The following MAP9 variants were observed in gnomAD, a reference collection of about 807,000 sequenced individuals.
The protein encoded by MAP9 is microtubule associated protein 9, also known as microtubule-associated protein 9.
A neutral mutation model predicts 75.2 loss-of-function variants in MAP9; 80 were observed. That is an observed-to-expected ratio of 1.06 (90% CI 0.89 to 1.28). The LOEUF (loss-of-function observed/expected upper bound fraction) is 1.28, where lower values mean the gene tolerates loss of function less well. Ranked by LOEUF, MAP9 falls within the 50% of genes most tolerant of loss-of-function variation. The probability of loss-of-function intolerance (pLI) is 0.00; values close to 1 mark genes in which losing one functional copy is unlikely to be tolerated. For missense variants in MAP9, 753 were observed against 719.9 expected, an observed-to-expected ratio of 1.05 and a Z score of -0.53; for synonymous variants, 235 against 237.3, an observed-to-expected ratio of 0.99 and a Z score of 0.09.
chr4:155,364,911 TAA>T (rs1732256915), intron 5 of MAP9, among the ~76,000 whole-genome samples: 1 of 151,404 alleles, frequency 6.6e-6, no homozygotes, highest in African/African-American at 2.4e-5. Flanking sequence ...AATAAAAAAC[TAA>T]AAGATTCATG....
chr4:155,374,340 AAAACAAAAACAAAC>A (rs1487453012), intron 3 of MAP9, among the ~76,000 whole-genome samples: 2 of 103,512 alleles, frequency 1.9e-5, no homozygotes, highest in East Asian at 9.1e-4. Flanking sequence ...CTCCATCTCA[AAAACAAAAACAAAC>A]AAACAAAAAC....
chr4:155,360,186 A>G lies in MAP9; in HGVS notation c.1032T>C (p.Ser344=), dbSNP rs762260584. The G allele has an allele frequency of 6.2e-7, 1 of 1,611,556 alleles. No homozygotes were observed. The highest frequency in any genetic ancestry group is 1.1e-5 in the South Asian group (1 of 90,964). The change falls in exon 7 of 14, where the codon AGT becomes AGC. Residue 344 remains serine (S), a synonymous_variant. Transcript: ENST00000311277. The stretch of plus-strand genomic sequence containing the variant: ...CAAATACCTTTGAAGATGCTGTTGC[A>G]CTGGTAGATATTAAGATACTCTGAG... The part of the protein sequence containing the change: ...SKSQSILIST[S]ATASSKKTIE...
Position 155,343,293 on chromosome 4 carries a change from G to C in MAP9, c.*4490C>G, listed in dbSNP as rs1345594972. 2 of 151,338 alleles carry C rather than the reference G, an allele frequency of 1.3e-5. No individual in the cohort carries two copies. 9.4% of individuals were successfully genotyped at this position (151,338 alleles called of 1,614,324 possible). On this transcript the variant is annotated 3_prime_UTR_variant, in exon 14 of 14. Coordinates refer to ENST00000311277, the MANE Select transcript of MAP9 (RefSeq NM_001039580.2). ...AGTGGGAGAGAGAAAGAGGAGGGAGGAACTATCTCTTCCTTTTTTCTCAGC... is the reference window on the plus strand; with the variant it reads ...AGTGGGAGAGAGAAAGAGGAGGGAGCAACTATCTCTTCCTTTTTTCTCAGC...
intron 5 of MAP9, chr4:155,367,144 G>C (rs932917815): frequency 4.6e-5 from 7 of 152,070 alleles, no homozygotes; most frequent in Admixed American, 4.6e-4. Context: ...CTCAAAATAC[G>C]ACTTTCTTAG....
In MAP9 at chr4:155,343,169, T is replaced by C; in HGVS notation, c.*4614A>G. On this transcript the variant is annotated 3_prime_UTR_variant, in exon 14 of 14. Transcript: ENST00000311277. ...AAAAATATGTGTATGTTTGAAAATA[T>C]GCACATTAGTATTTGTATTTTATAT... 6.8e-6 allele frequency: 1 copy of C among 146,948 alleles called. No individual in the cohort carries two copies. 9.1% of individuals were successfully genotyped at this position (146,948 alleles called of 1,614,324 possible).
chr4:155,350,275 G>A, intron 13 of MAP9: 1 of 453,708 alleles, frequency 2.2e-6, no homozygotes, highest in South Asian at 1.6e-5. Flanking sequence ...TGGTAAGAAG[G>A]AGAACCGATC....
chr4:155,357,375 T>A, intron 8 of MAP9, 74 bp downstream of exon 8: 2 of 953,836 alleles, frequency 2.1e-6, no homozygotes, highest in Non-Finnish European at 3.4e-6. Context: ...GAAATTTACT[T>A]TATGAAAGTT....
chr4:155,350,195 C>T (rs1265797474), intron 13 of MAP9: 1 of 438,886 alleles, frequency 2.3e-6, no homozygotes. Flanking sequence ...TCCATGAAAA[C>T]TGAAGTCATT....
Position 155,360,213 on chromosome 4 carries a change from T to C in MAP9, c.1005A>G (p.Lys335=). ...DDRTVDPLLS[K]SQSILISTSA... is the part of the protein sequence containing the mutation. The stretch of plus-strand genomic sequence containing the variant: ...TGGTAGATATTAAGATACTCTGAGA[T>C]TTAGATAGTAGTGGATCAACTGTTC... The change falls in exon 7 of 14, where the codon AAA becomes AAG. Residue 335 remains lysine (K), a synonymous_variant. Coordinates refer to ENST00000311277, the MANE Select transcript of MAP9 (RefSeq NM_001039580.2). The C allele has an allele frequency of 6.2e-7, 1 of 1,612,714 alleles. No homozygotes were observed. Among genetic ancestry groups the C allele is most frequent in the Non-Finnish European group, 8.5e-7 (1 of 1,179,016 alleles).
chr4:155,343,148 A>G lies in MAP9; in HGVS notation c.*4635T>C, dbSNP rs750055682. On this transcript the variant is annotated 3_prime_UTR_variant, in exon 14 of 14. Transcript: ENST00000311277. Reference sequence around the variant, plus strand: ...TCATTCTTATTTCAAATAATAAAAAATATGTGTATGTTTGAAAATATGCAC... The same window carrying G: ...TCATTCTTATTTCAAATAATAAAAAGTATGTGTATGTTTGAAAATATGCAC... 8 of 151,720 alleles carry G rather than the reference A, an allele frequency of 5.3e-5. No homozygotes were observed. Among genetic ancestry groups the G allele is most frequent in the Non-Finnish European group, 8.8e-5 (6 of 67,834 alleles). 9.4% of individuals were successfully genotyped at this position (151,720 alleles called of 1,614,324 possible). A position where few individuals can be genotyped will look rare whatever the true frequency, so the allele number is the denominator to read the frequency against.
intron 8 of MAP9, among the ~76,000 whole-genome samples, chr4:155,356,222 A>T (rs983897593): frequency 1.3e-5 from 2 of 152,094 alleles, no homozygotes; most frequent in Non-Finnish European, 2.9e-5. Flanking sequence ...AGCAGAGATC[A>T]TGCCACTGAA....
At chr4:155,365,505 T>C (rs1232300516) in intron 5 of MAP9, among the ~76,000 whole-genome samples, 2 of 152,094 alleles carry the variant, frequency 1.3e-5, no homozygotes, top group South Asian at 2.1e-4. Context: ...ACCAACCATG[T>C]TGACCAAACT....
rs376882826 is a variant in MAP9 at position 155,373,224 on chromosome 4, T to C, written c.393A>G (p.Glu131=). 82 of 1,609,712 alleles carry C rather than the reference T, an allele frequency of 5.1e-5. No individual in the cohort carries two copies. The highest frequency in any genetic ancestry group is 8.4e-5 in the Admixed American group (5 of 59,566). ...CAAATTCCTCATCCTTATTTTGAGA[T>C]TCAGAGAAAGATTTTACAACAATGT... The part of the protein sequence containing the change: ...CEDIVVKSFS[E]SQNKDEEFEK... The change falls in exon 4 of 14, where the codon GAA becomes GAG. Residue 131 remains glutamate (E), a synonymous_variant. Coordinates refer to ENST00000311277, the MANE Select transcript of MAP9 (RefSeq NM_001039580.2).
chr4:155,352,633 T>C lies in MAP9; in HGVS notation c.1784A>G (p.Lys595Arg), dbSNP rs768217783. The C allele has an allele frequency of 4.5e-6, 7 of 1,555,564 alleles. No individual in the cohort carries two copies. In the East Asian group the frequency reaches 1.1e-4, roughly 25 times the overall value. ...EELKRAEKKDKDKQAINEYEK... is the reference protein window; with the variant it reads ...EELKRAEKKDRDKQAINEYEK... ...ATATTCATTAATAGCTTGTTTATCTTTATCTTTTTTCTCAGCTCTTTTCAG... is the reference window on the plus strand; with the variant it reads ...ATATTCATTAATAGCTTGTTTATCTCTATCTTTTTTCTCAGCTCTTTTCAG... The change falls in exon 13 of 14, where the codon AAA becomes AGA. Residue 595 changes from lysine to arginine, a missense_variant. Coordinates refer to ENST00000311277, the MANE Select transcript of MAP9 (RefSeq NM_001039580.2).
chr4:155,360,461 A>T (rs1293962682), intron 6 of MAP9, 46 bp from the exon 7 acceptor site: 1 of 1,547,266 alleles, frequency 6.5e-7, no homozygotes, highest in South Asian at 1.2e-5. Context: ...TTCTGAATTA[A>T]TAAGGTAAAT....
intron 7 of MAP9, among the ~76,000 whole-genome samples, chr4:155,359,244 CACAG>C (rs1037483406): frequency 1.3e-5 from 2 of 148,834 alleles, no homozygotes; most frequent in African/African-American, 5.1e-5. Context: ...CACACACACA[CACAG>C]GAATACTATT....
At chr4:155,372,188 G>A (rs893052679) in intron 4 of MAP9, among the ~76,000 whole-genome samples, 1 of 152,094 alleles carries the variant, frequency 6.6e-6, no homozygotes, top group African/African-American at 2.4e-5. Flanking sequence ...AGATTGTGGG[G>A]TCAGGAAGAA....
In MAP9 at chr4:155,362,160, A is replaced by G; in HGVS notation, c.709-19T>C. On this transcript the variant is annotated intron_variant, in intron 5 of 13. Coordinates refer to ENST00000311277, the MANE Select transcript of MAP9 (RefSeq NM_001039580.2). The stretch of plus-strand genomic sequence containing the variant: ...ATGAATCCTGTTTTCGCAAAAAAAA[A>G]TACATTTGCCACATAAGTTTAATAA... The G allele has an allele frequency of 4.3e-6, 6 of 1,393,056 alleles. No homozygotes were observed. The highest frequency in any genetic ancestry group is 5.9e-6 in the Non-Finnish European group (6 of 1,015,424). The allele number at this position is 1,393,056 out of a possible 1,614,324, so 86.3% of individuals were successfully genotyped here. A position where few individuals can be genotyped will look rare whatever the true frequency, so the allele number is the denominator to read the frequency against.
At chr4:155,357,349 T>C (rs1443636028) in intron 8 of MAP9, 100 bp downstream of exon 8, 7 of 789,364 alleles carry the variant, frequency 8.9e-6, no homozygotes, top group Non-Finnish European at 1.3e-5. Flanking sequence ...AAAAAGAAAA[T>C]ACAGTAACAC....
Sources: allele counts gnomAD v4.1 joint callset (sites outside exome capture counted in the v4.1 genomes callset), GRCh38; gene constraint gnomAD v4.1.1; transcripts MANE v1.5; gene names NCBI Gene and HGNC (gene_info 2026-07-23, HGNC 2026-07-21).